The following PATE2 variants were observed in gnomAD, a reference collection of about 807,000 sequenced individuals.
PATE2 encodes prostate and testis expressed protein 2.
Under a neutral mutation model 10.5 loss-of-function variants are expected in PATE2, and 7 were observed. The ratio of observed to expected loss-of-function variants is 0.66; its 90% CI spans 0.38 to 1.25. The LOEUF is 1.25. PATE2 is among the 50% of genes most tolerant of loss of function. The pLI is 0.02. For synonymous variants in PATE2, 44 were observed against 46.9 expected (o/e 0.94, Z 0.25); for missense variants, 133 against 135.4 (o/e 0.98, Z 0.09).
chr11:125,778,708 T>A lies in PATE2; in HGVS notation c.52+14A>T. 6.2e-7 allele frequency: 1 copy of A among 1,613,544 alleles called. No homozygotes were observed. The highest frequency in any genetic ancestry group is 8.5e-7 in the Non-Finnish European group (1 of 1,179,688). Reference sequence around the variant, plus strand: ...TAACCAACCACCAGCTTCCCCTCTGTCTCCAGGACTTACCCCAATATGGGC... The same window carrying A: ...TAACCAACCACCAGCTTCCCCTCTGACTCCAGGACTTACCCCAATATGGGC... On this transcript the variant is annotated intron_variant, in intron 1 of 3. Coordinates refer to ENST00000358524, the MANE Select transcript of PATE2 (RefSeq NM_212555.3).
In PATE2 at chr11:125,778,774, C is replaced by G. The variant is rs755945630; in HGVS notation, c.-1G>C. 5 of 1,613,464 alleles carry G rather than the reference C, an allele frequency of 3.1e-6. No individual in the cohort carries two copies. The highest frequency in any genetic ancestry group is 3.4e-6 in the Non-Finnish European group (4 of 1,179,616). On this transcript the variant is annotated 5_prime_UTR_variant, in exon 1 of 4. Coordinates refer to ENST00000358524, the MANE Select transcript of PATE2 (RefSeq NM_212555.3). The stretch of plus-strand genomic sequence containing the variant: ...TGCCCAGGAGAAAGAGAACAAGCAT[C>G]CTGGAGCTTCTGTCAGGTGCAGCTT...
At chr11:125,778,415 C>T (rs936492716) in intron 2 of PATE2, 137 bp downstream of exon 2, 44 of 941,510 alleles carry the variant, frequency 4.7e-5, no homozygotes, top group Non-Finnish European at 7.1e-5. Flanking sequence ...CAAAACAGGT[C>T]TGGCAGGAGG....
At position 125,778,811 on chromosome 11, in the gene PATE2, A is replaced by G. The variant is rs2134176959; in HGVS notation, c.-38T>C. ...GTCAGGTGCAGCTTCCTGTGGAAGG[A>G]GCAAGTTGTTCTCTTGTGATCTGTC... On this transcript the variant is annotated 5_prime_UTR_variant, in exon 1 of 4. Coordinates refer to ENST00000358524, the MANE Select transcript of PATE2 (RefSeq NM_212555.3). The G allele has an allele frequency of 6.2e-7, 1 of 1,608,118 alleles. No individual in the cohort carries two copies. Among genetic ancestry groups the G allele is most frequent in the East Asian group, 2.2e-5 (1 of 44,834 alleles).
In PATE2 at chr11:125,777,281, C is replaced by T; in HGVS notation, c.*101G>A. ...TTCACTATGAGCTGGCTTTCTCACT[C>T]TCTACCAATGCATAGAAGAGGAGAG... On this transcript the variant is annotated 3_prime_UTR_variant, in exon 4 of 4. Coordinates refer to ENST00000358524, the MANE Select transcript of PATE2 (RefSeq NM_212555.3). 7.1e-7 allele frequency: 1 copy of T among 1,402,806 alleles called. No individual in the cohort carries two copies. Among genetic ancestry groups the T allele is most frequent in the Admixed American group, 2.0e-5 (1 of 49,574 alleles). The allele number at this position is 1,402,806 out of a possible 1,614,324, so 86.9% of individuals were successfully genotyped here.
In PATE2 at chr11:125,777,323, G is replaced by A; in HGVS notation, c.*59C>T. Reference sequence around the variant, plus strand: ...AGAGGAGAGCAAAATTCAGGTTCAGGGAAGAGAAAAAGAGCGTAGTGGTTG... The same window carrying A: ...AGAGGAGAGCAAAATTCAGGTTCAGAGAAGAGAAAAAGAGCGTAGTGGTTG... On this transcript the variant is annotated 3_prime_UTR_variant, in exon 4 of 4. Coordinates refer to ENST00000358524, the MANE Select transcript of PATE2 (RefSeq NM_212555.3). The A allele has an allele frequency of 6.3e-7, 1 of 1,578,152 alleles. No individual in the cohort carries two copies. The highest frequency in any genetic ancestry group is 8.7e-7 in the Non-Finnish European group (1 of 1,153,436).
chr11:125,778,114 G>A, intron 2 of PATE2, 112 bp from the exon 3 acceptor site: 3 of 1,133,254 alleles, frequency 2.6e-6, no homozygotes, highest in Non-Finnish European at 3.8e-6. Context: ...AACATTTTTT[G>A]GACCATGGAC....
Position 125,777,189 on chromosome 11 carries a change from G to A in PATE2, c.*193C>T. On this transcript the variant is annotated 3_prime_UTR_variant, in exon 4 of 4. Coordinates refer to ENST00000358524, the MANE Select transcript of PATE2 (RefSeq NM_212555.3). ...TTAGCGACAGGGATGTGCAAAGAGT[G>A]AGTCTAGTGCTCCATCATCAATAGG... 1.8e-6 allele frequency: 1 copy of A among 569,276 alleles called. No individual in the cohort carries two copies. The highest frequency in any genetic ancestry group is 3.0e-6 in the Non-Finnish European group (1 of 333,862). 35.3% of individuals were successfully genotyped at this position (569,276 alleles called of 1,614,324 possible). A position where few individuals can be genotyped will look rare whatever the true frequency, so the allele number is the denominator to read the frequency against.
rs1943501563 is a variant in PATE2 at position 125,777,880 on chromosome 11, T to C, written c.199A>G (p.Arg67Gly). 2 of 1,613,180 alleles carry C rather than the reference T, an allele frequency of 1.2e-6. No individual in the cohort carries two copies. The highest frequency in any genetic ancestry group is 1.7e-6 in the Non-Finnish European group (2 of 1,179,494). ...CAVENFYILT[R>G]KGQSMYHYSK... ...ACTCTATACTCCACATTACCTTTCC[T>C]TGTAAGGATGTAAAAGTTCTCAACT... The change falls in exon 3 of 4, where the codon AGG (arginine) becomes GGG (glycine). Residue 67 changes from arginine to glycine, a missense_variant. By Grantham distance (125) the Arg-to-Gly change is moderately radical. Coordinates refer to ENST00000358524, the MANE Select transcript of PATE2 (RefSeq NM_212555.3).
Position 125,777,536 on chromosome 11 carries a change from A to G in PATE2, c.206-18T>C. On this transcript the variant is annotated intron_variant, in intron 3 of 3. Coordinates refer to ENST00000358524, the MANE Select transcript of PATE2 (RefSeq NM_212555.3). ...GCTCTGCCCTGAGGAGGTAAAAGAGAGGAAATATGATCATAATGACCTCAT... is the reference window on the plus strand; with the variant it reads ...GCTCTGCCCTGAGGAGGTAAAAGAGGGGAAATATGATCATAATGACCTCAT... 6.2e-7 allele frequency: 1 copy of G among 1,613,010 alleles called. No homozygotes were observed. The highest frequency in any genetic ancestry group is 8.5e-7 in the Non-Finnish European group (1 of 1,179,380).
Position 125,777,012 on chromosome 11 carries a change from A to ATC in PATE2, c.*369_*370insGA. 1 of 180,648 alleles carries ATC rather than the reference A, an allele frequency of 5.5e-6. No homozygotes were observed. The highest frequency in any genetic ancestry group is 1.4e-4 in the South Asian group (1 of 7,236). 11.2% of individuals were successfully genotyped at this position (180,648 alleles called of 1,614,324 possible). A position where few individuals can be genotyped will look rare whatever the true frequency, so the allele number is the denominator to read the frequency against. Reference sequence around the variant, plus strand: ...CCAACGGAGAGGAGTGTGTGTGTAGATGAGGATAGAGGATAGTCACAGAAT... The same window carrying ATC: ...CCAACGGAGAGGAGTGTGTGTGTAGATCTGAGGATAGAGGATAGTCACAGAAT... On this transcript the variant is annotated 3_prime_UTR_variant, in exon 4 of 4. Coordinates refer to ENST00000358524, the MANE Select transcript of PATE2 (RefSeq NM_212555.3).
Position 125,778,569 on chromosome 11 carries a change from A to G in PATE2, c.59T>C (p.Leu20Pro). 1.2e-6 allele frequency: 2 copies of G among 1,613,586 alleles called. No homozygotes were observed. The highest frequency in any genetic ancestry group is 1.1e-5 in the South Asian group (1 of 91,066). The change falls in exon 2 of 4, where the codon CTT (leucine) becomes CCT (proline). Residue 20 changes from leucine (L) to proline (P), a missense_variant. Physicochemically the swap from Leu to Pro is moderately conservative, Grantham distance 98. Coordinates refer to ENST00000358524, the MANE Select transcript of PATE2 (RefSeq NM_212555.3). ...VFLLCPYWGE[L>P]HDPIKATEIM... ...GATTGTACCTTTTATAGGGTCATGA[A>G]GTTCACCTGTGAAAAGAAGAAAAAC... is the stretch of plus-strand genomic sequence containing the variant.
rs1943485262 is a variant in PATE2, at chr11:125,776,535, C to T, written c.*847G>A. 1 of 152,198 alleles carries T rather than the reference C, an allele frequency of 6.6e-6. No homozygotes were observed. The highest frequency in any genetic ancestry group is 1.5e-5 in the Non-Finnish European group (1 of 68,048). 9.4% of individuals were successfully genotyped at this position (152,198 alleles called of 1,614,324 possible). On this transcript the variant is annotated 3_prime_UTR_variant, in exon 4 of 4. Transcript: ENST00000358524. ...AGGGCACTCTGTTACTTGAACACTACCTCATGGTATCTATTTACATCCTAT... is the reference window on the plus strand; with the variant it reads ...AGGGCACTCTGTTACTTGAACACTATCTCATGGTATCTATTTACATCCTAT...
Position 125,776,530 on chromosome 11 carries a change from C to G in PATE2, c.*852G>C, listed in dbSNP as rs147719122. On this transcript the variant is annotated 3_prime_UTR_variant, in exon 4 of 4. Transcript: ENST00000358524. ...TACACAGGGCACTCTGTTACTTGAA[C>G]ACTACCTCATGGTATCTATTTACAT... 6.6e-6 allele frequency: 1 copy of G among 152,320 alleles called. No individual in the cohort carries two copies. Among genetic ancestry groups the G allele is most frequent in the African/African-American group, 2.4e-5 (1 of 41,550 alleles). The allele number at this position is 152,320 out of a possible 1,614,324, so 9.4% of individuals were successfully genotyped here. A position where few individuals can be genotyped will look rare whatever the true frequency, so the allele number is the denominator to read the frequency against.
Position 125,778,593 on chromosome 11 carries a change from A to T in PATE2, c.53-18T>A. On this transcript the variant is annotated intron_variant, in intron 1 of 3. Coordinates refer to ENST00000358524, the MANE Select transcript of PATE2 (RefSeq NM_212555.3). ...AAGTTCACCTGTGAAAAGAAGAAAA[A>T]CCTTCCATGTTACAGTCTCACATAC... The T allele has an allele frequency of 6.2e-7, 1 of 1,613,318 alleles. No individual in the cohort carries two copies.
At chr11:125,778,426 C>T (rs10893426) in intron 2 of PATE2, 126 bp downstream of exon 2, 198,724 of 1,073,102 alleles carry the variant, frequency 0.19, 19,068 homozygotes, top group East Asian at 0.29. Flanking sequence ...TGGCAGGAGG[C>T]GAAACCCCTA....
At chr11:125,777,805 G>C in intron 3 of PATE2, 69 bp downstream of exon 3, 1 of 1,567,394 alleles carries the variant, frequency 6.4e-7, no homozygotes, top group Non-Finnish European at 8.7e-7. Flanking sequence ...CACGCTGAGG[G>C]CAAAAGAACA....
rs551029858 is a variant in PATE2, at chr11:125,777,575, G to A, written c.206-57C>T. 2.0e-5 allele frequency: 32 copies of A among 1,594,242 alleles called. No individual in the cohort carries two copies. The South Asian group carries it at 2.2e-4, about 11-fold the overall frequency. ...TAATGACCTCATTTCCTTTTACTGC[G>A]TTCCTAGGAGTAATCTGTTTTTGTG... On this transcript the variant is annotated intron_variant, in intron 3 of 3. Transcript: ENST00000358524.
chr11:125,778,061 T>C, intron 2 of PATE2, 59 bp from the exon 3 acceptor site: 1 of 1,581,514 alleles, frequency 6.3e-7, no homozygotes, highest in East Asian at 2.2e-5. Context: ...TCTCTGGGGC[T>C]GGGGGCTTCA....
rs542609430 is a variant in PATE2, at chr11:125,778,117, C to T, written c.77-115G>A. On this transcript the variant is annotated intron_variant, in intron 2 of 3. Transcript: ENST00000358524. Reference sequence around the variant, plus strand: ...CTAGTGGTTCCTAACATTTTTTGGACCATGGACTCTTGGTAATCTTGAGAA... The same window carrying T: ...CTAGTGGTTCCTAACATTTTTTGGATCATGGACTCTTGGTAATCTTGAGAA... 3 of 1,117,290 alleles carry T rather than the reference C, an allele frequency of 2.7e-6. No homozygotes were observed. The South Asian group carries it at 4.5e-5, about 17-fold the overall frequency. 69.2% of individuals were successfully genotyped at this position (1,117,290 alleles called of 1,614,324 possible).
Sources: gnomAD v4.1 joint callset for allele counts on GRCh38, gnomAD v4.1.1 for gene constraint, MANE v1.5 for transcripts, NCBI Gene and HGNC (gene_info 2026-07-23, HGNC 2026-07-21) for gene names.